The following SP9 variants were observed in gnomAD, a reference collection of about 807,000 sequenced individuals.
SP9 encodes Sp9 transcription factor.
A neutral mutation model predicts 23.0 loss-of-function variants in SP9; 5 were observed. The ratio of observed to expected loss-of-function variants is 0.22; its 90% CI spans 0.11 to 0.46. The LOEUF is 0.46. Among genes scored for constraint, SP9 ranks in the 20% least tolerant of loss-of-function variants. The pLI is 0.99. For missense variants in SP9, 542 were observed against 724.0 expected (o/e 0.75, Z 2.88); for synonymous variants, 360 against 356.5 (o/e 1.01, Z -0.11).
At chr2:174,335,215 C>A in intron 1 of SP9, 102 bp downstream of exon 1, 1 of 1,302,030 alleles carries the variant, frequency 7.7e-7, no homozygotes, top group South Asian at 1.3e-5. Context: ...TGCTGCTAGA[C>A]TGCAGCTTCA....
chr2:174,335,974 C>A, intron 1 of SP9, 133 bp from the exon 2 acceptor site: 1 of 813,324 alleles, frequency 1.2e-6, no homozygotes, highest in Non-Finnish European at 1.9e-6. Flanking sequence ...GGGGAGGAGG[C>A]GCGAGGCGGG....
rs1400168495 is a variant in SP9, at chr2:174,335,001, A to G, written c.-92A>G. On this transcript the variant is annotated 5_prime_UTR_variant, in exon 1 of 2. Transcript: ENST00000394967. Reference sequence around the variant, plus strand: ...GAGTCCGCTCGGCACGAGCGCGGGGACGCGGGAGCCGCGCGGGACCCAAGC... The same window carrying G: ...GAGTCCGCTCGGCACGAGCGCGGGGGCGCGGGAGCCGCGCGGGACCCAAGC... The G allele has an allele frequency of 1.4e-6, 2 of 1,437,422 alleles. No homozygotes were observed. The highest frequency in any genetic ancestry group is 1.9e-6 in the Non-Finnish European group (2 of 1,047,564). The allele number at this position is 1,437,422 out of a possible 1,614,324, so 89.0% of individuals were successfully genotyped here.
Position 174,337,765 on chromosome 2 carries a change from T to C in SP9, c.*225T>C. Reference sequence around the variant, plus strand: ...CGCGCCCGGATAAGAATCGAACGCGTGGTCCGGAAACAAAAGCGAACCATC... The same window carrying C: ...CGCGCCCGGATAAGAATCGAACGCGCGGTCCGGAAACAAAAGCGAACCATC... On this transcript the variant is annotated 3_prime_UTR_variant, in exon 2 of 2. Transcript: ENST00000394967. The C allele has an allele frequency of 2.8e-6, 1 of 359,102 alleles. No homozygotes were observed. The allele number at this position is 359,102 out of a possible 1,614,324, so 22.2% of individuals were successfully genotyped here. A position where few individuals can be genotyped will look rare whatever the true frequency, so the allele number is the denominator to read the frequency against.
In SP9 at chr2:174,337,565, A is replaced by C; in HGVS notation, c.*25A>C. The stretch of plus-strand genomic sequence containing the variant: ...GAGGCCGGGCGAGAGGCGCGAGCAC[A>C]CAAGCGAGTAGAGACACCGAGAACG... On this transcript the variant is annotated 3_prime_UTR_variant, in exon 2 of 2. Transcript: ENST00000394967. 1 of 1,146,796 alleles carries C rather than the reference A, an allele frequency of 8.7e-7. No individual in the cohort carries two copies. Among genetic ancestry groups the C allele is most frequent in the Non-Finnish European group, 1.1e-6 (1 of 934,484 alleles). 71.0% of individuals were successfully genotyped at this position (1,146,796 alleles called of 1,614,324 possible).
Position 174,336,622 on chromosome 2 carries a change from G to C in SP9, c.537G>C (p.Ser179=). Reference sequence around the variant, plus strand: ...AGGTGACCAACGGCGCGGCGTCGTCGTGGTGGGACGTGCACAGCAGCCCGG... The same window carrying C: ...AGGTGACCAACGGCGCGGCGTCGTCCTGGTGGGACGTGCACAGCAGCCCGG... ...AGEVTNGAAS[S]WWDVHSSPGS... The change falls in exon 2 of 2, where the codon TCG becomes TCC. Residue 179 remains serine, a synonymous_variant. Transcript: ENST00000394967. 1 of 1,438,768 alleles carries C rather than the reference G, an allele frequency of 7.0e-7. No homozygotes were observed. Among genetic ancestry groups the C allele is most frequent in the Non-Finnish European group, 9.1e-7 (1 of 1,100,486 alleles). The allele number at this position is 1,438,768 out of a possible 1,614,324, so 89.1% of individuals were successfully genotyped here. A position where few individuals can be genotyped will look rare whatever the true frequency, so the allele number is the denominator to read the frequency against.
Position 174,336,952 on chromosome 2 carries a change from C to T in SP9, c.867C>T (p.Ala289=), listed in dbSNP as rs1212904347. The T allele has an allele frequency of 7.6e-6, 11 of 1,441,570 alleles. No homozygotes were observed. In the Admixed American group the frequency reaches 1.2e-4, roughly 15 times the overall value. 89.3% of individuals were successfully genotyped at this position (1,441,570 alleles called of 1,614,324 possible). A position where few individuals can be genotyped will look rare whatever the true frequency, so the allele number is the denominator to read the frequency against. ...ASAMISGAAA[A]AAGGSSARSA... is the part of the protein sequence containing the mutation. The stretch of plus-strand genomic sequence containing the variant: ...CCATGATATCGGGCGCCGCGGCTGC[C>T]GCCGCCGGGGGGAGCTCGGCACGCT... Residue 289 remains alanine, a synonymous_variant, in exon 2 of 2, where the codon GCC becomes GCT. Transcript: ENST00000394967.
chr2:174,337,105 C>G lies in SP9; in HGVS notation c.1020C>G (p.Gly340=), dbSNP rs1684428903. The change falls in exon 2 of 2, where the codon GGC becomes GGG. Residue 340 remains glycine, a synonymous_variant. Coordinates refer to ENST00000394967, the MANE Select transcript of SP9 (RefSeq NM_001145250.2). ...ACAGCTGCCACATTCCGGGCTGCGG[C>G]AAGGTGTACGGGAAGACGTCGCACC... is the stretch of plus-strand genomic sequence containing the variant. ...GLHSCHIPGC[G]KVYGKTSHLK... 5 of 1,601,010 alleles carry G rather than the reference C, an allele frequency of 3.1e-6. No individual in the cohort carries two copies. The East Asian group carries it at 1.1e-4, about 36-fold the overall frequency.
Position 174,337,507 on chromosome 2 carries a change from C to T in SP9, c.1422C>T (p.Gly474=). The change falls in exon 2 of 2, where the codon GGC becomes GGT. Residue 474 remains glycine, a synonymous_variant. Transcript: ENST00000394967. ...AAAAAAASAG[G]KEAASGPNDS The stretch of plus-strand genomic sequence containing the variant: ...CGGCGGCGGCGGCCTCCGCGGGAGG[C>T]AAGGAAGCAGCGTCTGGCCCCAACG... 8.4e-7 allele frequency: 1 copy of T among 1,184,246 alleles called. No homozygotes were observed. 73.4% of individuals were successfully genotyped at this position (1,184,246 alleles called of 1,614,324 possible). A position where few individuals can be genotyped will look rare whatever the true frequency, so the allele number is the denominator to read the frequency against.
chr2:174,337,172 G>A lies in SP9; in HGVS notation c.1087G>A (p.Val363Met), dbSNP rs1010563847. 1 of 1,606,970 alleles carries A rather than the reference G, an allele frequency of 6.2e-7. No individual in the cohort carries two copies. Residue 363 changes from valine to methionine, a missense_variant, in exon 2 of 2, where the codon GTG (valine) becomes ATG (methionine). By Grantham distance (21) the Val-to-Met change is conservative (BLOSUM62 1). Coordinates refer to ENST00000394967, the MANE Select transcript of SP9 (RefSeq NM_001145250.2). ...CTGGCACACGGGCGAGCGGCCCTTCGTGTGCAACTGGCTCTTCTGCGGCAA... is the reference window on the plus strand; with the variant it reads ...CTGGCACACGGGCGAGCGGCCCTTCATGTGCAACTGGCTCTTCTGCGGCAA... ...LRWHTGERPF[V>M]CNWLFCGKRF...
At position 174,335,048 on chromosome 2, in the gene SP9, G is replaced by C; in HGVS notation, c.-45G>C. ...AAGCAGTTTTTCCGAGCAGCCGCCAGGCTCAGCCCCGCTCCCAGCCTCGCT... is the reference window on the plus strand; with the variant it reads ...AAGCAGTTTTTCCGAGCAGCCGCCACGCTCAGCCCCGCTCCCAGCCTCGCT... On this transcript the variant is annotated 5_prime_UTR_variant, in exon 1 of 2. Transcript: ENST00000394967. 2 of 1,546,722 alleles carry C rather than the reference G, an allele frequency of 1.3e-6. No individual in the cohort carries two copies. The highest frequency in any genetic ancestry group is 1.7e-6 in the Non-Finnish European group (2 of 1,143,140).
Position 174,337,643 on chromosome 2 carries a change from G to T in SP9, c.*103G>T. 3 of 1,043,882 alleles carry T rather than the reference G, an allele frequency of 2.9e-6. No individual in the cohort carries two copies. Among genetic ancestry groups the T allele is most frequent in the Non-Finnish European group, 1.2e-6 (1 of 866,626 alleles). 64.7% of individuals were successfully genotyped at this position (1,043,882 alleles called of 1,614,324 possible). On this transcript the variant is annotated 3_prime_UTR_variant, in exon 2 of 2. Coordinates refer to ENST00000394967, the MANE Select transcript of SP9 (RefSeq NM_001145250.2). ...GGGAGGCGGGAGGGCAGGGGCTTCA[G>T]TGACGCCCCCAGGGCCCGGGCTGGG...
rs1242759695 is a variant in SP9, at chr2:174,338,147, A to G, written c.*607A>G. 6.6e-6 allele frequency: 1 copy of G among 152,234 alleles called. No individual in the cohort carries two copies. Among genetic ancestry groups the G allele is most frequent in the African/African-American group, 2.4e-5 (1 of 41,464 alleles). 9.4% of individuals were successfully genotyped at this position (152,234 alleles called of 1,614,324 possible). On this transcript the variant is annotated 3_prime_UTR_variant, in exon 2 of 2. Coordinates refer to ENST00000394967, the MANE Select transcript of SP9 (RefSeq NM_001145250.2). ...TTTTTTCCTAAAAAAGGAAGCATCA[A>G]AAGGCTTAAGGTGAGAAATTAAACT...
In SP9 at chr2:174,337,572, A is replaced by C. The variant is rs1385136764; in HGVS notation, c.*32A>C. 7.0e-6 allele frequency: 8 copies of C among 1,141,366 alleles called. No individual in the cohort carries two copies. The highest frequency in any genetic ancestry group is 8.6e-6 in the Non-Finnish European group (8 of 930,486). 70.7% of individuals were successfully genotyped at this position (1,141,366 alleles called of 1,614,324 possible). On this transcript the variant is annotated 3_prime_UTR_variant, in exon 2 of 2. Transcript: ENST00000394967. The stretch of plus-strand genomic sequence containing the variant: ...GGCGAGAGGCGCGAGCACACAAGCG[A>C]GTAGAGACACCGAGAACGAACGAGA...
rs960015638 is a variant in SP9 at position 174,336,424 on chromosome 2, G to A, written c.339G>A (p.Ala113=). The change falls in exon 2 of 2, where the codon GCG becomes GCA. Residue 113 remains alanine (A), a synonymous_variant. Coordinates refer to ENST00000394967, the MANE Select transcript of SP9 (RefSeq NM_001145250.2). ...SDYGGLFSNS[A]AAAAAAAGVS... is the part of the protein sequence containing the mutation. ...ACGGCGGCCTCTTCTCCAACTCGGC[G>A]GCTGCCGCGGCGGCAGCGGCCGGGG... The A allele has an allele frequency of 4.8e-6, 7 of 1,465,154 alleles. No homozygotes were observed. In the East Asian group the frequency reaches 8.5e-5, roughly 18 times the overall value. 90.8% of individuals were successfully genotyped at this position (1,465,154 alleles called of 1,614,324 possible).
intron 1 of SP9, 40 bp from the exon 2 acceptor site, chr2:174,336,067 C>T (rs1384982147): frequency 6.5e-7 from 1 of 1,537,216 alleles, no homozygotes; most frequent in African/African-American, 1.4e-5. Flanking sequence ...TCCTCTTGCC[C>T]TCCTCCTTCT....
At chr2:174,335,219 A>C in intron 1 of SP9, 106 bp downstream of exon 1, 3 of 1,278,144 alleles carry the variant, frequency 2.3e-6, no homozygotes, top group Non-Finnish European at 3.3e-6. Context: ...GCTAGACTGC[A>C]GCTTCAGCTT....
chr2:174,335,884 C>A, intron 1 of SP9: 1 of 539,918 alleles, frequency 1.9e-6, no homozygotes, highest in South Asian at 2.3e-5. Flanking sequence ...CAGCGAAGTG[C>A]AACTTTCCGG....
intron 1 of SP9, 179 bp from the exon 2 acceptor site, chr2:174,335,928 T>G: frequency 1.6e-6 from 1 of 607,112 alleles, no homozygotes; most frequent in Non-Finnish European, 2.9e-6. Context: ...TCGCCCCTGC[T>G]CCGCGCCCGG....
Position 174,336,120 on chromosome 2 carries a change from T to G in SP9, c.35T>G (p.Phe12Cys), listed in dbSNP as rs1158732636. ...ATSILGEEPR[F>C]GTTPLAMLAA... Reference sequence around the variant, plus strand: ...CACCCACTCTAGGAAGAGCCGCGCTTCGGAACGACCCCGTTGGCCATGCTG... The same window carrying G: ...CACCCACTCTAGGAAGAGCCGCGCTGCGGAACGACCCCGTTGGCCATGCTG... Residue 12 changes from phenylalanine to cysteine, a missense_variant, in exon 2 of 2, where the codon TTC (phenylalanine) becomes TGC (cysteine). Physicochemically the swap from Phe to Cys is radical, Grantham distance 205. Transcript: ENST00000394967. The G allele has an allele frequency of 1.9e-6, 3 of 1,550,366 alleles. No individual in the cohort carries two copies. Among genetic ancestry groups the G allele is most frequent in the African/African-American group, 1.4e-5 (1 of 72,878 alleles).
Sources: allele counts gnomAD v4.1 joint callset, GRCh38; gene constraint gnomAD v4.1.1; transcripts MANE v1.5; gene names NCBI Gene and HGNC (gene_info 2026-07-23, HGNC 2026-07-21).